CRYBA4: variants seen among roughly 807,000 people sequenced by gnomAD.
CRYBA4 encodes the protein crystallin beta A4, also known as beta-crystallin A4.
Under a neutral mutation model 31.7 loss-of-function variants are expected in CRYBA4, and 30 were observed. The ratio of observed to expected loss-of-function variants is 0.95; its 90% confidence interval spans 0.71 to 1.28. The LOEUF (loss-of-function observed/expected upper bound fraction) is 1.28. Among genes scored for constraint, CRYBA4 ranks in the 50% most tolerant of loss-of-function variants. CRYBA4 has a pLI of 0.00. For synonymous variants in CRYBA4, 102 were observed against 102.3 expected (o/e 1.00, Z 0.02); for missense variants, 225 against 260.7 (o/e 0.86, Z 0.94).
intron 5 of CRYBA4, among the ~76,000 whole-genome samples, 190 bp downstream of exon 5, chr22:26,628,620 A>G (rs866267539): frequency 6.6e-6 from 1 of 152,170 alleles, no homozygotes; most frequent in African/African-American, 2.4e-5. Flanking sequence ...GTTTGAGCCC[A>G]GAAGATATTT....
intron 1 of CRYBA4, 46 bp downstream of exon 1, chr22:26,622,032 A>C (rs16982454): frequency 0.03 from 29,590 of 977,792 alleles, 566 homozygotes; most frequent in East Asian, 0.097. Context: ...GTTCTGAGTG[A>C]GCATTCTGGG....
chr22:26,605,714 C>A, the CRYBA4 span, among the ~76,000 whole-genome samples: 1 of 145,766 alleles, frequency 6.9e-6, no homozygotes, highest in African/African-American at 2.5e-5. Context: ...ACAGGCCAAC[C>A]AAAATGTCTG....
chr22:26,625,083 T>C (rs1929661047), intron 3 of CRYBA4, among the ~76,000 whole-genome samples: 1 of 152,228 alleles, frequency 6.6e-6, no homozygotes, highest in African/African-American at 2.4e-5. Context: ...CTTTGCCTCC[T>C]TGGCCTCTGT....
At chr22:26,620,874 G>A (rs571391546), upstream of CRYBA4, among the ~76,000 whole-genome samples, 5 of 152,206 alleles carry the variant, frequency 3.3e-5, no homozygotes, top group South Asian at 2.1e-4. Flanking sequence ...AAAGTCATGC[G>A]TTTGATAGAG....
In CRYBA4 at chr22:26,623,314, C is replaced by T; in HGVS notation, c.120C>T (p.Gly40=). The T allele has an allele frequency of 2.5e-6, 4 of 1,614,080 alleles. No individual in the cohort carries two copies. Among genetic ancestry groups the T allele is most frequent in the Non-Finnish European group, 3.4e-6 (4 of 1,180,022 alleles). The change falls in exon 3 of 6, where the codon GGC becomes GGT. Residue 40 remains glycine (G), a synonymous_variant. Transcript: ENST00000354760. ...TAECPSVLEL[G]FETVRSLKVL... ...AGTGCCCCAGCGTGCTGGAGCTTGG[C>T]TTCGAGACTGTGCGATCTTTGAAAG...
At chr22:26,614,740 C>G in the CRYBA4 span, among the ~76,000 whole-genome samples, 1 of 152,072 alleles carries the variant, frequency 6.6e-6, no homozygotes, top group African/African-American at 2.4e-5. Flanking sequence ...ACCTATAATT[C>G]CAGCACTTGG....
the CRYBA4 span, chr22:26,616,327 G>A: frequency 1.2e-5 from 20 of 1,611,516 alleles, no homozygotes; most frequent in Non-Finnish European, 1.5e-5. Context: ...CATGGTTCCC[G>A]CCTGCAAAAG....
the CRYBA4 span, among the ~76,000 whole-genome samples, chr22:26,600,547 A>G: frequency 5.1e-4 from 77 of 152,356 alleles, no homozygotes; most frequent in African/African-American, 1.7e-3. Context: ...TGGATAAGGT[A>G]TCAGAACCTC....
chr22:26,601,909 C>T, the CRYBA4 span: 64 of 1,612,412 alleles, frequency 4.0e-5, 1 homozygote, highest in Admixed American at 6.2e-4. Context: ...GCTGCCCACG[C>T]GGTCACTGAA....
the CRYBA4 span, chr22:26,616,035 G>T: frequency 4.5e-6 from 4 of 889,728 alleles, no homozygotes; most frequent in Non-Finnish European, 1.9e-6. Flanking sequence ...AAAGAGGTGC[G>T]GAGGAGTAAG....
chr22:26,603,393 A>T, the CRYBA4 span, among the ~76,000 whole-genome samples: 1 of 151,150 alleles, frequency 6.6e-6, no homozygotes, highest in East Asian at 2.0e-4. Context: ...AGCCAGGTGC[A>T]ATCACATGTG....
At chr22:26,624,382 C>T (rs1196424779) in intron 3 of CRYBA4, among the ~76,000 whole-genome samples, 1 of 151,722 alleles carries the variant, frequency 6.6e-6, no homozygotes, top group Non-Finnish European at 1.5e-5. Flanking sequence ...CCAGTAGCTA[C>T]CATATTGGAT....
At chr22:26,598,561 T>A in the CRYBA4 span, among the ~76,000 whole-genome samples, 2 of 151,972 alleles carry the variant, frequency 1.3e-5, no homozygotes, top group Non-Finnish European at 1.5e-5. Flanking sequence ...CTTTTGGAAT[T>A]TTTGTAGAGA....
the CRYBA4 span, among the ~76,000 whole-genome samples, chr22:26,616,824 G>A: frequency 1.3e-5 from 2 of 152,222 alleles, no homozygotes; most frequent in Non-Finnish European, 2.9e-5. Context: ...CAGGGGGCTG[G>A]AGAAGGAAGG....
At chr22:26,597,005 C>T in the CRYBA4 span, among the ~76,000 whole-genome samples, 16 of 152,234 alleles carry the variant, frequency 1.1e-4, no homozygotes, top group South Asian at 8.3e-4. Flanking sequence ...AATCCTGGTC[C>T]GCAGACAGCC....
At chr22:26,615,395 A>G in the CRYBA4 span, among the ~76,000 whole-genome samples, 1 of 150,806 alleles carries the variant, frequency 6.6e-6, no homozygotes, top group Non-Finnish European at 1.5e-5. Flanking sequence ...CTTTCGATAA[A>G]CTCTAAGCAT....
the CRYBA4 span, among the ~76,000 whole-genome samples, chr22:26,612,495 GA>G: frequency 9.2e-5 from 14 of 152,152 alleles, no homozygotes; most frequent in African/African-American, 3.1e-4. Flanking sequence ...CCGAGTAGTT[GA>G]GATTACAGGC....
intron 4 of CRYBA4, among the ~76,000 whole-genome samples, chr22:26,626,359 G>T (rs562501390): frequency 6.6e-5 from 10 of 152,180 alleles, no homozygotes; most frequent in East Asian, 1.9e-4. Flanking sequence ...AGCCAAGATC[G>T]CACCACTGCA....
At chr22:26,621,873 TG>T, upstream of CRYBA4, 1 of 605,232 alleles carries the variant, frequency 1.7e-6, no homozygotes, top group Non-Finnish European at 2.1e-6. Context: ...TTTGTTTCTG[TG>T]GCCCAGTTGC....
Sources: gnomAD v4.1 joint callset for allele counts (sites outside exome capture counted in the v4.1 genomes callset) on GRCh38, gnomAD v4.1.1 for gene constraint, MANE v1.5 for transcripts, NCBI Gene and HGNC (gene_info 2026-07-23, HGNC 2026-07-21) for gene names.